SLC16A7: variants seen among roughly 807,000 people sequenced by gnomAD.
The protein encoded by SLC16A7 is solute carrier family 16 member 7.
Under a neutral mutation model 34.9 loss-of-function variants are expected in SLC16A7, and 33 were observed. The ratio of observed to expected loss-of-function variants is 0.94; its 90% CI spans 0.72 to 1.26. SLC16A7 has a LOEUF of 1.26. Ranked by LOEUF, SLC16A7 falls within the 50% of genes most tolerant of loss-of-function variation. SLC16A7 has a pLI of 0.00. For missense variants in SLC16A7, 573 were observed against 578.1 expected (o/e 0.99, Z 0.09); for synonymous variants, 201 against 206.6 (o/e 0.97, Z 0.23).
chr12:59,779,364 T>C, intron 5 of SLC16A7, 59 bp from the exon 6 acceptor site: 1 of 1,278,374 alleles, frequency 7.8e-7, no homozygotes, highest in Non-Finnish European at 1.1e-6. Flanking sequence ...TTATTTGAAT[T>C]TTTATCATTA....
chr12:59,761,605 G>A (rs1700749978), intron 3 of SLC16A7, among the ~76,000 whole-genome samples: 1 of 152,010 alleles, frequency 6.6e-6, no homozygotes, highest in African/African-American at 2.4e-5. Context: ...TTGTAGCATA[G>A]ATTGCTCTCT....
chr12:59,753,401 A>T (rs1879849977), intron 3 of SLC16A7, among the ~76,000 whole-genome samples: 1 of 152,212 alleles, frequency 6.6e-6, no homozygotes, highest in South Asian at 2.1e-4. Context: ...AAATAAAAGG[A>T]TGGAAGAAGA....
intron 2 of SLC16A7, among the ~76,000 whole-genome samples, chr12:59,677,031 TATA>T (rs1472561400): frequency 6.6e-6 from 1 of 152,204 alleles, no homozygotes; most frequent in African/African-American, 2.4e-5. Flanking sequence ...TAAACTTTAT[TATA>T]TGTTTTAGCC....
At position 59,761,207 on chromosome 12, in the gene SLC16A7, A is replaced by C. The variant is rs576230108; in HGVS notation, c.218-10012A>C. The C allele has an allele frequency of 1.1e-4, 132 of 1,166,118 alleles. 1 individual carries two copies. The South Asian group carries it at 1.6e-3, about 15-fold the overall frequency. The allele number at this position is 1,166,118 out of a possible 1,614,324, so 72.2% of individuals were successfully genotyped here. ...CTCAATCAGGATCATGCCTAGGTAC[A>C]TGAAACTGTATTGTTAAATACTTGG... On this transcript the variant is annotated intron_variant, in intron 3 of 5. Coordinates refer to ENST00000547379, the MANE Select transcript of SLC16A7 (RefSeq NM_001270623.2).
intron 3 of SLC16A7, among the ~76,000 whole-genome samples, chr12:59,753,134 C>A (rs1879804595): frequency 6.6e-6 from 1 of 152,200 alleles, no homozygotes; most frequent in South Asian, 2.1e-4. Flanking sequence ...ACAACCAGTA[C>A]CAGCCACTGC....
At chr12:59,751,384 C>T (rs200315379) in intron 3 of SLC16A7, among the ~76,000 whole-genome samples, 27 of 152,328 alleles carry the variant, frequency 1.8e-4, no homozygotes, top group East Asian at 1.2e-3. Flanking sequence ...CCTGGAAAAT[C>T]GGGTCACTCC....
chr12:59,773,265 G>C (rs1882411836), intron 4 of SLC16A7, among the ~76,000 whole-genome samples: 1 of 152,112 alleles, frequency 6.6e-6, no homozygotes, highest in Admixed American at 6.6e-5. Flanking sequence ...CTGAGGTATA[G>C]CGTTAGAGAA....
intron 2 of SLC16A7, among the ~76,000 whole-genome samples, chr12:59,683,346 A>G (rs906132775): frequency 6.6e-6 from 1 of 152,196 alleles, no homozygotes; most frequent in Non-Finnish European, 1.5e-5. Context: ...TGCGAGATTA[A>G]TCCTGCTAGG....
chr12:59,693,871 A>G (rs1181097541), intron 2 of SLC16A7, among the ~76,000 whole-genome samples: 1 of 151,872 alleles, frequency 6.6e-6, no homozygotes, highest in Non-Finnish European at 1.5e-5. Context: ...ATGAAAAAAA[A>G]TACTAGTTGT....
intron 1 of SLC16A7, among the ~76,000 whole-genome samples, chr12:59,601,134 C>T (rs1301451412): frequency 1.3e-5 from 2 of 152,140 alleles, no homozygotes; most frequent in Admixed American, 1.3e-4. Flanking sequence ...GATCCATATA[C>T]AGTGTTGGTA....
intron 3 of SLC16A7, among the ~76,000 whole-genome samples, chr12:59,746,167 A>G (rs532001741): frequency 1.3e-5 from 2 of 152,370 alleles, no homozygotes; most frequent in South Asian, 4.1e-4. Flanking sequence ...GAGAAAAGAA[A>G]TAACTGTCTT....
chr12:59,716,612 C>T (rs1489553495), intron 3 of SLC16A7, among the ~76,000 whole-genome samples: 1 of 152,108 alleles, frequency 6.6e-6, no homozygotes, highest in Non-Finnish European at 1.5e-5. Flanking sequence ...CTTTGAGAGG[C>T]CAAGGCAGGG....
intron 1 of SLC16A7, among the ~76,000 whole-genome samples, chr12:59,621,601 A>G (rs1879698923): frequency 6.6e-6 from 1 of 151,926 alleles, no homozygotes; most frequent in Admixed American, 6.6e-5. Context: ...AAGGAACTTC[A>G]GAGGCAAAAC....
chr12:59,599,390 A>C (rs1406843627), intron 1 of SLC16A7, among the ~76,000 whole-genome samples: 1 of 152,124 alleles, frequency 6.6e-6, no homozygotes, highest in Non-Finnish European at 1.5e-5. Flanking sequence ...TATGATGCTC[A>C]TTTATGCAGA....
intron 3 of SLC16A7, among the ~76,000 whole-genome samples, chr12:59,749,454 G>T (rs1879255253): frequency 6.6e-6 from 1 of 152,118 alleles, no homozygotes; most frequent in African/African-American, 2.4e-5. Context: ...CACGAATTCA[G>T]TGCCAAAGGT....
chr12:59,747,316 A>G (rs531850316), intron 3 of SLC16A7, among the ~76,000 whole-genome samples: 3 of 152,362 alleles, frequency 2.0e-5, no homozygotes, highest in African/African-American at 7.2e-5. Context: ...ATTTCAATAA[A>G]ATCAATAAAT....
intron 3 of SLC16A7, among the ~76,000 whole-genome samples, chr12:59,766,407 C>T (rs916009104): frequency 6.6e-6 from 1 of 152,054 alleles, no homozygotes; most frequent in African/African-American, 2.4e-5. Flanking sequence ...CTGTCTTGTG[C>T]CAGTTTTTAA....
intron 1 of SLC16A7, among the ~76,000 whole-genome samples, chr12:59,610,029 T>C (rs1879123947): frequency 6.6e-6 from 1 of 152,144 alleles, no homozygotes; most frequent in Non-Finnish European, 1.5e-5. Context: ...ATCTCCAATT[T>C]AGAATGGCTC....
At chr12:59,632,047 G>A (rs974436119) in intron 1 of SLC16A7, among the ~76,000 whole-genome samples, 5 of 151,434 alleles carry the variant, frequency 3.3e-5, no homozygotes, top group African/African-American at 9.7e-5. Flanking sequence ...AGAAGTGAGA[G>A]GTCACATTTT....
Sources: gnomAD v4.1 joint callset for allele counts (sites outside exome capture counted in the v4.1 genomes callset) on GRCh38, gnomAD v4.1.1 for gene constraint, MANE v1.5 for transcripts, NCBI Gene and HGNC (gene_info 2026-07-23, HGNC 2026-07-21) for gene names.